PTPRD: variants seen among roughly 807,000 people sequenced by gnomAD.
PTPRD encodes the protein receptor-type tyrosine-protein phosphatase delta.
PTPRD carries 34 observed loss-of-function variants against 214.5 expected under a neutral mutation model. The ratio of observed to expected loss-of-function variants is 0.16; its 90% CI spans 0.12 to 0.21. PTPRD has a LOEUF of 0.21. Among genes scored for constraint, PTPRD ranks in the 10% least tolerant of loss-of-function variants. The pLI, the probability that PTPRD is intolerant of heterozygous loss-of-function variation, is 1.00. For missense variants in PTPRD, 2,545 were observed against 2,398.7 expected (o/e 1.06, Z -1.27); for synonymous variants, 1,128 against 845.7 (o/e 1.33, Z -5.79).
At chr9:9,129,466 C>T (rs1043717865) in intron 10 of PTPRD, among the ~76,000 whole-genome samples, 72 of 152,182 alleles carry the variant, frequency 4.7e-4, no homozygotes, top group African/African-American at 2.4e-5. Context: ...TTCTTATTTA[C>T]GTATTTATTT....
intron 8 of PTPRD, among the ~76,000 whole-genome samples, chr9:9,435,190 T>TAAGTGGGAAA (rs1004911458): frequency 8.5e-5 from 13 of 152,050 alleles, no homozygotes; most frequent in African/African-American, 3.1e-4. Context: ...GAATTGCTAG[T>TAAGTGGGAAA]AAGTGGGAAA....
At chr9:9,742,625 T>A (rs2098415865) in intron 6 of PTPRD, among the ~76,000 whole-genome samples, 2 of 151,248 alleles carry the variant, frequency 1.3e-5, no homozygotes, top group Admixed American at 1.3e-4. Context: ...CTGAGCCATA[T>A]TCTTTATCAA....
intron 3 of PTPRD, among the ~76,000 whole-genome samples, chr9:10,271,333 T>C (rs952358422): frequency 1.3e-5 from 2 of 151,838 alleles, no homozygotes; most frequent in Non-Finnish European, 2.9e-5. Flanking sequence ...CACCAGCAGA[T>C]ACATCAAATC....
intron 8 of PTPRD, among the ~76,000 whole-genome samples, chr9:9,477,217 G>A (rs1417878651): frequency 6.6e-6 from 1 of 152,184 alleles, no homozygotes; most frequent in East Asian, 1.9e-4. Flanking sequence ...TTATTTATCA[G>A]TTTACTACTA....
At chr9:9,546,814 A>G (rs1301532390) in intron 8 of PTPRD, among the ~76,000 whole-genome samples, 2 of 151,776 alleles carry the variant, frequency 1.3e-5, no homozygotes, top group Non-Finnish European at 2.9e-5. Flanking sequence ...GAGTCATATA[A>G]TTTATGATCT....
chr9:8,991,360 G>T (rs145794294), intron 11 of PTPRD, among the ~76,000 whole-genome samples: 3 of 152,214 alleles, frequency 2.0e-5, no homozygotes, highest in East Asian at 3.9e-4. Context: ...TGTTATAGGA[G>T]TGTCAGCTGT....
At chr9:9,413,541 G>C (rs890917750) in intron 8 of PTPRD, among the ~76,000 whole-genome samples, 1 of 152,092 alleles carries the variant, frequency 6.6e-6, no homozygotes, top group African/African-American at 2.4e-5. Context: ...ATTATTAAAG[G>C]CTTATTCATC....
chr9:9,246,633 T>C (rs2099973172), intron 9 of PTPRD, among the ~76,000 whole-genome samples: 1 of 152,034 alleles, frequency 6.6e-6, no homozygotes, highest in African/African-American at 2.4e-5. Context: ...AAATGCCTCT[T>C]ATTAAGTATG....
intron 9 of PTPRD, among the ~76,000 whole-genome samples, chr9:9,244,244 T>C (rs2099971828): frequency 6.6e-6 from 1 of 152,054 alleles, no homozygotes; most frequent in African/African-American, 2.4e-5. Flanking sequence ...GCCATCCCCA[T>C]CTAGCTACCA....
rs544681564 is a variant in PTPRD, at chr9:10,105,861, G to T, written c.-544-72071C>A. On this transcript the variant is annotated intron_variant, in intron 3 of 45. Transcript: ENST00000381196. The stretch of plus-strand genomic sequence containing the variant: ...CTGCAATAGGGAAAGGTAGCCAAGG[G>T]TCTTACATGACATTGAATATGCTTT... Among the ~76,000 whole-genome samples the T allele has an allele frequency of 1.1e-4, 17 of 151,476 alleles. No individual in the cohort carries two copies. The East Asian group carries it at 3.3e-3, about 30-fold the overall frequency.
At chr9:9,634,487 T>G (rs2154361661) in intron 7 of PTPRD, among the ~76,000 whole-genome samples, 1 of 152,284 alleles carries the variant, frequency 6.6e-6, no homozygotes, top group East Asian at 1.9e-4. Context: ...TTTCTGCTAT[T>G]GGTAATTCAA....
chr9:10,068,748 G>A (rs980728977), intron 3 of PTPRD, among the ~76,000 whole-genome samples: 4 of 151,822 alleles, frequency 2.6e-5, no homozygotes, highest in Non-Finnish European at 5.9e-5. Flanking sequence ...GCAGGTGGAA[G>A]GCCACTAACA....
intron 9 of PTPRD, among the ~76,000 whole-genome samples, chr9:9,273,884 C>A (rs573317561): frequency 4.0e-5 from 6 of 151,240 alleles, no homozygotes; most frequent in Non-Finnish European, 5.9e-5. Context: ...ATTCGCCAAA[C>A]CTTCCAGAGG....
intron 12 of PTPRD, among the ~76,000 whole-genome samples, chr9:8,664,885 A>C (rs915025420): frequency 5.9e-5 from 9 of 152,224 alleles, no homozygotes; most frequent in African/African-American, 2.2e-4. Context: ...GGAAGAATTA[A>C]CCATTCAACT....
At chr9:9,341,869 C>A (rs965534170) in intron 9 of PTPRD, among the ~76,000 whole-genome samples, 4 of 152,192 alleles carry the variant, frequency 2.6e-5, no homozygotes, top group Admixed American at 1.3e-4. Flanking sequence ...AGTTCAGTGT[C>A]GCAATCTCGA....
At chr9:9,165,589 A>T (rs138248758) in intron 10 of PTPRD, among the ~76,000 whole-genome samples, 1 of 152,214 alleles carries the variant, frequency 6.6e-6, no homozygotes, top group African/African-American at 2.4e-5. Context: ...ACATCATACT[A>T]TTAAGGTTTG....
At chr9:9,057,618 C>T (rs1172086874) in intron 10 of PTPRD, among the ~76,000 whole-genome samples, 2 of 151,922 alleles carry the variant, frequency 1.3e-5, no homozygotes, top group African/African-American at 2.4e-5. Context: ...GACATGTTAC[C>T]GTAATAATTT....
At chr9:9,749,464 A>G (rs903237557) in intron 6 of PTPRD, among the ~76,000 whole-genome samples, 1 of 152,138 alleles carries the variant, frequency 6.6e-6, no homozygotes, top group African/African-American at 2.4e-5. Context: ...GGAATTATTT[A>G]TTGATCCCCT....
At chr9:9,319,576 C>A (rs1965338210) in intron 9 of PTPRD, among the ~76,000 whole-genome samples, 1 of 152,130 alleles carries the variant, frequency 6.6e-6, no homozygotes, top group South Asian at 2.1e-4. Flanking sequence ...AATTAAAATA[C>A]ATAGGCTCAT....
Sources: gnomAD v4.1 joint callset for allele counts (sites outside exome capture counted in the v4.1 genomes callset) on GRCh38, gnomAD v4.1.1 for gene constraint, MANE v1.5 for transcripts, NCBI Gene and HGNC (gene_info 2026-07-23, HGNC 2026-07-21) for gene names.